Variants in UTS2B observed in about 807,000 individuals in gnomAD.
UTS2B encodes the protein urotensin-2B.
A neutral mutation model predicts 19.2 loss-of-function variants in UTS2B; 21 were observed. That is an observed-to-expected ratio of 1.09 (90% CI 0.78 to 1.58). The LOEUF is 1.58. Ranked by LOEUF, UTS2B falls within the 40% of genes most tolerant of loss-of-function variation. The pLI is 0.00. For synonymous variants in UTS2B, 57 were observed against 50.2 expected (o/e 1.14, Z -0.58); for missense variants, 138 against 130.3 (o/e 1.06, Z -0.29).
intron 5 of UTS2B, among the ~76,000 whole-genome samples, 181 bp from the exon 6 acceptor site, chr3:191,278,351 C>G (rs1260779564): frequency 2.0e-5 from 3 of 151,820 alleles, no homozygotes; most frequent in African/African-American, 4.8e-5. Context: ...TGAATATGGA[C>G]AGTCAGACAG....
At chr3:191,344,570 C>G in the UTS2B span, among the ~76,000 whole-genome samples, 1 of 151,648 alleles carries the variant, frequency 6.6e-6, no homozygotes, top group Non-Finnish European at 1.5e-5. Context: ...ATGTCATTTC[C>G]TTTTGTTTGT....
intron 3 of UTS2B, among the ~76,000 whole-genome samples, 179 bp downstream of exon 3, chr3:191,315,857 C>T (rs1334404745): frequency 6.6e-6 from 1 of 152,210 alleles, no homozygotes; most frequent in African/African-American, 2.4e-5. Flanking sequence ...ATGCACCACA[C>T]TCAGATTCAA....
chr3:191,301,643 T>C (rs546041443), intron 4 of UTS2B, among the ~76,000 whole-genome samples: 17 of 151,962 alleles, frequency 1.1e-4, no homozygotes, highest in East Asian at 9.7e-4. Context: ...CCCGCCACCA[T>C]GCCCGGCTAA....
At chr3:191,320,502 C>T (rs1717585576) in intron 2 of UTS2B, among the ~76,000 whole-genome samples, 1 of 152,150 alleles carries the variant, frequency 6.6e-6, no homozygotes, top group African/African-American at 2.4e-5. Context: ...AAATCAATGA[C>T]ATGCTCTGGC....
upstream of UTS2B, chr3:191,330,575 T>A (rs9834749): frequency 0.16 from 24,398 of 152,168 alleles, 3,002 homozygotes; most frequent in African/African-American, 0.34. Context: ...GCATAGACGT[T>A]CCAGAGTGCT....
intron 5 of UTS2B, among the ~76,000 whole-genome samples, chr3:191,280,284 G>C (rs1716349537): frequency 6.6e-6 from 1 of 152,122 alleles, no homozygotes; most frequent in African/African-American, 2.4e-5. Flanking sequence ...GTGTTAGGCA[G>C]TTTGCCCAAT....
chr3:191,323,145 T>TTTTATGTTATTTTATTTAA (rs149096213), intron 2 of UTS2B, among the ~76,000 whole-genome samples: 1 of 148,770 alleles, frequency 6.7e-6, no homozygotes, highest in Non-Finnish European at 1.5e-5. Flanking sequence ...TTTTATTTTA[T>TTTTATGTTATTTTATTTAA]TTTATTTATT....
chr3:191,297,888 T>G (rs1244203990), intron 4 of UTS2B, among the ~76,000 whole-genome samples: 1 of 152,264 alleles, frequency 6.6e-6, no homozygotes, highest in Non-Finnish European at 1.5e-5. Context: ...ACATTGTCAT[T>G]CAACAGGTTA....
intron 5 of UTS2B, among the ~76,000 whole-genome samples, chr3:191,278,601 T>TA (rs551177371): frequency 1.4e-4 from 21 of 152,202 alleles, no homozygotes; most frequent in African/African-American, 5.1e-4. Context: ...CATTTATATA[T>TA]ATAAGCCAGT....
chr3:191,298,826 A>G lies in UTS2B; in HGVS notation c.-125+5666T>C, dbSNP rs1434971783. ...GAATGGTAATAACCAAAATCTTGAT[A>G]ATGATATCGACAGTGAAGTCCAGGA... On this transcript the variant is annotated intron_variant, in intron 4 of 8. Transcript: ENST00000340524. Among the ~76,000 whole-genome samples the G allele has an allele frequency of 2.0e-5, 3 of 152,200 alleles. No individual in the cohort carries two copies. In the East Asian group the frequency reaches 5.8e-4, roughly 29 times the overall value.
chr3:191,295,201 A>AC (rs1305028177), intron 4 of UTS2B, among the ~76,000 whole-genome samples: 1 of 151,894 alleles, frequency 6.6e-6, no homozygotes, highest in Non-Finnish European at 1.5e-5. Context: ...AATACTTTTC[A>AC]CATGTTTACT....
At chr3:191,271,559 G>GT (rs901796809) in intron 8 of UTS2B, among the ~76,000 whole-genome samples, 6 of 152,224 alleles carry the variant, frequency 3.9e-5, no homozygotes, top group East Asian at 3.9e-4. Context: ...CCCAGAAACA[G>GT]TTTTTTTACT....
At chr3:191,332,983 C>T (rs1335703511), upstream of UTS2B, among the ~76,000 whole-genome samples, 1 of 152,190 alleles carries the variant, frequency 6.6e-6, no homozygotes, top group Non-Finnish European at 1.5e-5. Flanking sequence ...TCAACCTCTC[C>T]TATTTTCTCC....
intron 8 of UTS2B, among the ~76,000 whole-genome samples, chr3:191,271,259 C>G (rs1227020607): frequency 1.3e-5 from 2 of 149,558 alleles, no homozygotes; most frequent in Non-Finnish European, 3.0e-5. Context: ...CACCAGATCA[C>G]CCCATCCAGA....
intron 4 of UTS2B, among the ~76,000 whole-genome samples, chr3:191,288,834 CA>C (rs913211166): frequency 6.6e-6 from 1 of 151,958 alleles, no homozygotes; most frequent in East Asian, 1.9e-4. Context: ...AAAACTCCTG[CA>C]AAAAAACACA....
Position 191,278,181 on chromosome 3 carries a change from CA to C in UTS2B, c.104-12del. 1 of 1,391,428 alleles carries C rather than the reference CA, an allele frequency of 7.2e-7. No homozygotes were observed. Among genetic ancestry groups the C allele is most frequent in the Non-Finnish European group, 9.8e-7 (1 of 1,024,578 alleles). The allele number at this position is 1,391,428 out of a possible 1,614,324, so 86.2% of individuals were successfully genotyped here. On this transcript the variant is annotated splice_polypyrimidine_tract_variant and intron_variant, in intron 5 of 8. Transcript: ENST00000340524. ...GAAATATTTCATTTCCTATAATGAT[CA>C]AAAACCACCATTTTCAATTTGAGTC...
At chr3:191,306,623 T>A (rs1279709973) in intron 3 of UTS2B, among the ~76,000 whole-genome samples, 1 of 152,116 alleles carries the variant, frequency 6.6e-6, no homozygotes, top group Non-Finnish European at 1.5e-5. Context: ...GAATGGTAAC[T>A]AGGGGAAATT....
intron 2 of UTS2B, among the ~76,000 whole-genome samples, chr3:191,320,336 T>A (rs559362207): frequency 6.6e-6 from 1 of 152,334 alleles, no homozygotes. Flanking sequence ...GAAGCAAGAC[T>A]ATGCGTGGCT....
intron 8 of UTS2B, among the ~76,000 whole-genome samples, chr3:191,272,504 C>T (rs1178499599): frequency 6.6e-6 from 1 of 152,140 alleles, no homozygotes; most frequent in Non-Finnish European, 1.5e-5. Flanking sequence ...TGTTCCTTTG[C>T]TAATTGTTGG....
Sources: allele counts gnomAD v4.1 joint callset (sites outside exome capture counted in the v4.1 genomes callset), GRCh38; gene constraint gnomAD v4.1.1; transcripts MANE v1.5; gene names NCBI Gene and HGNC (gene_info 2026-07-23, HGNC 2026-07-21).